Variants in FILIP1 observed in about 807,000 individuals in gnomAD.
FILIP1 encodes filamin A interacting protein 1.
In FILIP1, 61 loss-of-function variants were observed where a neutral mutation model predicts 102.1. That is an observed-to-expected ratio of 0.60 (90% CI 0.49 to 0.74). The LOEUF (loss-of-function observed/expected upper bound fraction) is 0.74, where lower values mean the gene tolerates loss of function less well. FILIP1 is among the 30% of genes least tolerant of loss of function. FILIP1 has a pLI of 0.00. For missense variants in FILIP1, 1,314 were observed against 1,441.2 expected (o/e 0.91, Z 1.43); for synonymous variants, 491 against 526.9 (o/e 0.93, Z 0.93).
chr6:75,455,147 T>C (rs1778784344), intron 1 of FILIP1: 1 of 152,678 alleles, frequency 6.5e-6, no homozygotes, highest in Admixed American at 6.5e-5. Context: ...CAAATTCATA[T>C]GACAGACATC....
At position 75,308,902 on chromosome 6, in the gene FILIP1, AAG is replaced by A. The variant is rs772052029; in HGVS notation, c.3436-7_3436-6del. ...GGATGACCCGTCTTGTCCTGACTGT[AAG>A]AGAGAAAATACGTAGATACAAGGGA... is the stretch of plus-strand genomic sequence containing the variant. On this transcript the variant is annotated splice_region_variant and splice_polypyrimidine_tract_variant and intron_variant, in intron 5 of 5. Transcript: ENST00000237172. The A allele has an allele frequency of 2.5e-6, 4 of 1,613,784 alleles. No homozygotes were observed. Among genetic ancestry groups the A allele is most frequent in the Non-Finnish European group, 3.4e-6 (4 of 1,179,836 alleles).
intron 1 of FILIP1, among the ~76,000 whole-genome samples, chr6:75,461,428 T>G (rs984113551): frequency 2.6e-5 from 4 of 152,196 alleles, no homozygotes; most frequent in Admixed American, 2.6e-4. Context: ...CCTAAACTTA[T>G]GTTCACGTAT....
intron 4 of FILIP1, among the ~76,000 whole-genome samples, chr6:75,351,463 T>A (rs561283065): frequency 1.6e-4 from 25 of 152,360 alleles, no homozygotes; most frequent in African/African-American, 6.0e-4. Context: ...ATGGGTCTAG[T>A]GACTTACTAC....
chr6:75,457,643 T>TCG lies in FILIP1; in HGVS notation c.-7+35770_-7+35771insCG, dbSNP rs1194490038. On this transcript the variant is annotated intron_variant, in intron 1 of 5. Coordinates refer to ENST00000237172, the MANE Select transcript of FILIP1 (RefSeq NM_015687.5). ...CTCTCTCTCTCTCTCTCTCTCTCTC[T>TCG]CTCTCGTTTCTGTTTTATCAATGCC... 3.2e-3 allele frequency among the ~76,000 whole-genome samples: 486 copies of TCG among 151,108 alleles called. 13 individuals are homozygous for TCG. Among genetic ancestry groups the TCG allele is most frequent in the South Asian group, 9.7e-3 (46 of 4,764 alleles).
intron 1 of FILIP1, among the ~76,000 whole-genome samples, chr6:75,439,354 G>A (rs921182083): frequency 9.7e-5 from 13 of 134,084 alleles, no homozygotes; most frequent in Admixed American, 1.5e-4. Flanking sequence ...CGACAAGAGC[G>A]AGACTCCGTC....
At chr6:75,432,658 G>T (rs1279298149) in intron 1 of FILIP1, among the ~76,000 whole-genome samples, 1 of 151,988 alleles carries the variant, frequency 6.6e-6, no homozygotes, top group Non-Finnish European at 1.5e-5. Flanking sequence ...TTTTTTTAAA[G>T]ATTTTTATTT....
At chr6:75,408,852 T>C (rs1776960506) in intron 2 of FILIP1, among the ~76,000 whole-genome samples, 1 of 152,184 alleles carries the variant, frequency 6.6e-6, no homozygotes, top group Non-Finnish European at 1.5e-5. Flanking sequence ...GCCTGCACTG[T>C]TACACAACTC....
At chr6:75,409,681 C>T (rs1213159078) in intron 2 of FILIP1, among the ~76,000 whole-genome samples, 4 of 152,058 alleles carry the variant, frequency 2.6e-5, no homozygotes, top group African/African-American at 9.7e-5. Context: ...AACCATGTGG[C>T]CAGAGATCAC....
intron 2 of FILIP1, among the ~76,000 whole-genome samples, chr6:75,390,448 A>G (rs1299867060): frequency 6.6e-6 from 1 of 152,140 alleles, no homozygotes; most frequent in Non-Finnish European, 1.5e-5. Flanking sequence ...CACAGGCTGT[A>G]TAGGAAGCAT....
intron 1 of FILIP1, among the ~76,000 whole-genome samples, chr6:75,477,136 T>C (rs1779497182): frequency 6.6e-6 from 1 of 152,210 alleles, no homozygotes; most frequent in Non-Finnish European, 1.5e-5. Flanking sequence ...ATATTAATGT[T>C]GAAAGATGCT....
chr6:75,370,749 G>A (rs1354619459), intron 2 of FILIP1, among the ~76,000 whole-genome samples: 1 of 151,602 alleles, frequency 6.6e-6, no homozygotes, highest in Non-Finnish European at 1.5e-5. Context: ...GCTAATTTTT[G>A]TATTTTTAGT....
chr6:75,486,483 A>G (rs750016840), intron 1 of FILIP1, among the ~76,000 whole-genome samples: 1 of 152,116 alleles, frequency 6.6e-6, no homozygotes, highest in Non-Finnish European at 1.5e-5. Context: ...GAATCTTTTA[A>G]TACTATAGGG....
At chr6:75,407,551 A>T (rs905068376) in intron 2 of FILIP1, among the ~76,000 whole-genome samples, 6 of 152,102 alleles carry the variant, frequency 3.9e-5, no homozygotes, top group African/African-American at 1.4e-4. Flanking sequence ...GAAGTATACA[A>T]CACCTCTTCT....
In FILIP1 at chr6:75,312,467, G is replaced by A; in HGVS notation, c.3365C>T (p.Ala1122Val). The A allele has an allele frequency of 6.2e-7, 1 of 1,614,176 alleles. No individual in the cohort carries two copies. The highest frequency in any genetic ancestry group is 8.5e-7 in the Non-Finnish European group (1 of 1,180,038). ...GGTGATAGTGCTCGTCACTTTGCTT[G>A]CACCAGGCCGTGAGGAGAGGTGATT... ...PRNHLSSRPG[A>V]SKVTSTITIT... Residue 1122 changes from alanine (A) to valine (V), a missense_variant, in exon 5 of 6, where the codon GCA (alanine) becomes GTA (valine). By Grantham distance (64) the Ala-to-Val change is moderately conservative (BLOSUM62 0). Coordinates refer to ENST00000237172, the MANE Select transcript of FILIP1 (RefSeq NM_015687.5).
chr6:75,421,458 AT>A (rs1451123739), intron 1 of FILIP1, among the ~76,000 whole-genome samples: 1 of 152,130 alleles, frequency 6.6e-6, no homozygotes, highest in African/African-American at 2.4e-5. Context: ...GGAAATACTC[AT>A]GAGACTTGAG....
At chr6:75,364,622 T>C (rs1465953281) in intron 2 of FILIP1, among the ~76,000 whole-genome samples, 1 of 152,176 alleles carries the variant, frequency 6.6e-6, no homozygotes. Context: ...TTTGAGGAAC[T>C]CTAAAAAATC....
chr6:75,423,039 T>C (rs1368385927), intron 1 of FILIP1, among the ~76,000 whole-genome samples: 1 of 152,124 alleles, frequency 6.6e-6, no homozygotes, highest in Non-Finnish European at 1.5e-5. Flanking sequence ...GGTAGTTCAA[T>C]AAGTTTTGCA....
chr6:75,296,341 TTGTGTGTG>T (rs57430339), intron 6 of FILIP1, among the ~76,000 whole-genome samples: 2,464 of 141,474 alleles, frequency 0.017, 42 homozygotes, highest in African/African-American at 0.039. Context: ...TTCAATTTCT[TTGTGTGTG>T]TGTGTGTGTG....
At chr6:75,470,243 C>T (rs1023659715) in intron 1 of FILIP1, among the ~76,000 whole-genome samples, 2 of 152,024 alleles carry the variant, frequency 1.3e-5, no homozygotes, top group African/African-American at 4.8e-5. Flanking sequence ...AAAAAATCAA[C>T]GACTTTTCTA....
Sources: gnomAD v4.1 joint callset for allele counts (sites outside exome capture counted in the v4.1 genomes callset) on GRCh38, gnomAD v4.1.1 for gene constraint, MANE v1.5 for transcripts, NCBI Gene and HGNC (gene_info 2026-07-23, HGNC 2026-07-21) for gene names.